Variants in PLCB4 observed in about 807,000 individuals in gnomAD.
The protein encoded by PLCB4 is phospholipase C beta 4.
Under a neutral mutation model 178.8 loss-of-function variants are expected in PLCB4, and 77 were observed. The ratio of observed to expected loss-of-function variants is 0.43; its 90% confidence interval spans 0.36 to 0.52. The LOEUF is 0.52. Among genes scored for constraint, PLCB4 ranks in the 20% least tolerant of loss-of-function variants. PLCB4 has a pLI of 0.00. For missense variants in PLCB4, 1,024 were observed against 1,453.4 expected, an observed-to-expected ratio of 0.70 and a Z score of 4.80; for synonymous variants, 496 against 490.8, an observed-to-expected ratio of 1.01 and a Z score of -0.14.
chr20:9,380,029 A>T, intron 12 of PLCB4, 25 bp from the exon 13 acceptor site: 1 of 1,246,052 alleles, frequency 8.0e-7, no homozygotes, highest in Non-Finnish European at 1.2e-6. Flanking sequence ...ATATCAACCT[A>T]AATGGAGTTA....
In PLCB4 at chr20:9,328,769, A is replaced by G. The variant is rs144395495; in HGVS notation, c.85-8357A>G. On this transcript the variant is annotated intron_variant, in intron 4 of 39. Coordinates refer to ENST00000378473, the MANE Select transcript of PLCB4 (RefSeq NM_001377142.1). ...TGAAGCAGCGTTGTTTGTCTGGGGT[A>G]ATACCCGAGGTTCGTTGTCCCACAG... Among the ~76,000 whole-genome samples the G allele has an allele frequency of 2.7e-3, 417 of 152,322 alleles. 2 individuals carry two copies. The highest frequency in any genetic ancestry group is 4.5e-3 in the Non-Finnish European group (308 of 68,026).
intron 2 of PLCB4, among the ~76,000 whole-genome samples, chr20:9,118,950 A>C (rs1168836736): frequency 6.6e-6 from 1 of 152,202 alleles, no homozygotes; most frequent in African/African-American, 2.4e-5. Context: ...TGAGAAAAAT[A>C]AGATGAAATT....
intron 4 of PLCB4, among the ~76,000 whole-genome samples, chr20:9,336,500 G>A (rs992130049): frequency 2.6e-5 from 4 of 152,128 alleles, no homozygotes; most frequent in African/African-American, 9.7e-5. Flanking sequence ...TAGAGGGCTT[G>A]TTGGAACACA....
chr20:9,139,214 A>G (rs1238577291), intron 2 of PLCB4, among the ~76,000 whole-genome samples: 1 of 152,070 alleles, frequency 6.6e-6, no homozygotes, highest in African/African-American at 2.4e-5. Context: ...TGTTTTAGTT[A>G]TCTCTTGCTT....
intron 3 of PLCB4, among the ~76,000 whole-genome samples, chr20:9,304,605 A>C (rs2094743874): frequency 6.6e-6 from 1 of 152,142 alleles, no homozygotes; most frequent in African/African-American, 2.4e-5. Context: ...TTGTCTTCTT[A>C]TTCTGTTATT....
At chr20:9,282,561 A>G (rs1021286252) in intron 3 of PLCB4, among the ~76,000 whole-genome samples, 1 of 151,878 alleles carries the variant, frequency 6.6e-6, no homozygotes, top group African/African-American at 2.4e-5. Flanking sequence ...CTTCAATAAT[A>G]TCATTTATAT....
At chr20:9,172,975 C>T (rs552915615) in intron 2 of PLCB4, among the ~76,000 whole-genome samples, 1 of 152,264 alleles carries the variant, frequency 6.6e-6, no homozygotes, top group Admixed American at 6.5e-5. Context: ...AGGTTGACCC[C>T]ATCCATGATC....
At chr20:9,334,030 T>G (rs1297306265) in intron 4 of PLCB4, among the ~76,000 whole-genome samples, 1 of 152,022 alleles carries the variant, frequency 6.6e-6, no homozygotes, top group Non-Finnish European at 1.5e-5. Context: ...TCTTACAAAT[T>G]TGAGGGTCAT....
intron 33 of PLCB4, among the ~76,000 whole-genome samples, chr20:9,454,938 T>A (rs1373754417): frequency 1.3e-5 from 2 of 152,218 alleles, no homozygotes; most frequent in Non-Finnish European, 2.9e-5. Context: ...GAGGCAGAAA[T>A]GTGCCTGTTG....
intron 34 of PLCB4, 53 bp downstream of exon 34, chr20:9,457,542 T>G: frequency 1.2e-6 from 1 of 864,774 alleles, no homozygotes; most frequent in East Asian, 2.4e-5. Flanking sequence ...ACTTTGTAAT[T>G]TTTTAGAAGG....
chr20:9,165,429 C>T (rs1392805129), intron 2 of PLCB4, among the ~76,000 whole-genome samples: 1 of 152,112 alleles, frequency 6.6e-6, no homozygotes, highest in Non-Finnish European at 1.5e-5. Context: ...GAAAACTTGT[C>T]ACAATATCAG....
At chr20:9,084,492 T>C (rs1331573417) in intron 1 of PLCB4, among the ~76,000 whole-genome samples, 2 of 132,462 alleles carry the variant, frequency 1.5e-5, no homozygotes, top group African/African-American at 5.7e-5. Context: ...AGTTAGTTGG[T>C]GCTTTCTCTT....
At chr20:9,331,839 A>C (rs911317982) in intron 4 of PLCB4, among the ~76,000 whole-genome samples, 3 of 152,194 alleles carry the variant, frequency 2.0e-5, no homozygotes, top group African/African-American at 7.2e-5. Flanking sequence ...CAAACCCCTC[A>C]GAGTGGGGAT....
Position 9,115,585 on chromosome 20 carries a change from C to T in PLCB4, c.-79+19243C>T, listed in dbSNP as rs530575062. Among the ~76,000 whole-genome samples the T allele has an allele frequency of 1.3e-4, 15 of 119,022 alleles. No individual in the cohort carries two copies. The East Asian group carries it at 3.7e-3, about 30-fold the overall frequency. The allele number at this position is 119,022 out of a possible 152,430, so 78.1% of individuals were successfully genotyped here. A position where few individuals can be genotyped will look rare whatever the true frequency, so the allele number is the denominator to read the frequency against. On this transcript the variant is annotated intron_variant, in intron 2 of 39. Coordinates refer to ENST00000378473, the MANE Select transcript of PLCB4 (RefSeq NM_001377142.1). Reference sequence around the variant, plus strand: ...TAATGCTATCCCTCCCCCCTCCCCCCACCCCACAACAGGCCCTGGTGTGTG... The same window carrying T: ...TAATGCTATCCCTCCCCCCTCCCCCTACCCCACAACAGGCCCTGGTGTGTG...
intron 28 of PLCB4, among the ~76,000 whole-genome samples, chr20:9,428,207 C>T (rs941506582): frequency 9.2e-5 from 14 of 152,096 alleles, no homozygotes; most frequent in Non-Finnish European, 1.6e-4. Flanking sequence ...AAACTTGTTC[C>T]ATCTGTCCTC....
intron 14 of PLCB4, among the ~76,000 whole-genome samples, chr20:9,386,022 G>C (rs966806606): frequency 3.9e-5 from 6 of 152,244 alleles, no homozygotes; most frequent in Admixed American, 1.3e-4. Context: ...GGAGGCCGAG[G>C]CTGGCAGACC....
At chr20:9,164,809 CA>C (rs540939216) in intron 2 of PLCB4, among the ~76,000 whole-genome samples, 39 of 152,184 alleles carry the variant, frequency 2.6e-4, no homozygotes, top group Non-Finnish European at 4.3e-4. Context: ...AATAGACTGT[CA>C]GGAGATTTCT....
chr20:9,307,116 C>G (rs1182825473), intron 3 of PLCB4, among the ~76,000 whole-genome samples: 1 of 152,272 alleles, frequency 6.6e-6, no homozygotes, highest in East Asian at 1.9e-4. Flanking sequence ...CCAGACTCCT[C>G]TCTGCTACAA....
intron 2 of PLCB4, among the ~76,000 whole-genome samples, chr20:9,200,984 T>C (rs1422128857): frequency 6.6e-6 from 1 of 152,146 alleles, no homozygotes; most frequent in Admixed American, 6.5e-5. Context: ...CATAAAATGA[T>C]CCTCAGCAGC....
Sources: gnomAD v4.1 joint callset for allele counts (sites outside exome capture counted in the v4.1 genomes callset) on GRCh38, gnomAD v4.1.1 for gene constraint, MANE v1.5 for transcripts, NCBI Gene and HGNC (gene_info 2026-07-23, HGNC 2026-07-21) for gene names.